Variants in GRM5 observed in about 807,000 individuals in gnomAD.
GRM5 encodes the protein metabotropic glutamate receptor 5.
In GRM5, 19 loss-of-function variants were observed where a neutral mutation model predicts 83.1. That is an observed-to-expected ratio of 0.23 (90% CI 0.16 to 0.34). GRM5 has a LOEUF of 0.34. Among genes scored for constraint, GRM5 ranks in the 10% least tolerant of loss-of-function variants. GRM5 has a pLI of 1.00. For synonymous variants in GRM5, 675 were observed against 633.6 expected (o/e 1.07, Z -0.98); for missense variants, 1,160 against 1,588.3 (o/e 0.73, Z 4.58).
intron 2 of GRM5, among the ~76,000 whole-genome samples, chr11:88,933,376 G>T (rs1388076056): frequency 6.6e-6 from 1 of 151,652 alleles, no homozygotes; most frequent in African/African-American, 2.4e-5. Context: ...GGTCTTTGCT[G>T]CATCAGCTGG....
At chr11:88,687,525 CAT>C (rs1554993932) in intron 3 of GRM5, among the ~76,000 whole-genome samples, 708 of 26,128 alleles carry the variant, frequency 0.027, 63 homozygotes, top group African/African-American at 0.051. Context: ...CACACACACA[CAT>C]ACATATATAT....
At chr11:88,645,141 T>G (rs1243587625) in intron 4 of GRM5, among the ~76,000 whole-genome samples, 1 of 152,116 alleles carries the variant, frequency 6.6e-6, no homozygotes, top group Non-Finnish European at 1.5e-5. Flanking sequence ...TCTGAACCCG[T>G]TCATTTAATC....
chr11:88,827,878 A>T (rs1363935118), intron 3 of GRM5, among the ~76,000 whole-genome samples: 2 of 152,240 alleles, frequency 1.3e-5, no homozygotes, highest in Non-Finnish European at 2.9e-5. Flanking sequence ...AATGTGCTAC[A>T]TGTTATAAGG....
intron 1 of GRM5, among the ~76,000 whole-genome samples, chr11:89,050,990 C>G (rs552941155): frequency 2.4e-4 from 37 of 152,130 alleles, no homozygotes; most frequent in African/African-American, 8.9e-4. Context: ...GAAAGATAAC[C>G]GGTGAATACT....
chr11:89,044,850 G>GAA (rs200457790), intron 2 of GRM5, among the ~76,000 whole-genome samples: 3 of 130,838 alleles, frequency 2.3e-5, no homozygotes, highest in South Asian at 5.0e-4. Context: ...AAGTGGGGAG[G>GAA]AAAAAAAAAA....
intron 2 of GRM5, among the ~76,000 whole-genome samples, chr11:88,954,692 T>C (rs1296615325): frequency 6.6e-6 from 1 of 152,222 alleles, no homozygotes; most frequent in Non-Finnish European, 1.5e-5. Flanking sequence ...AAACCACATG[T>C]GGCTAGTAGC....
chr11:88,736,452 C>T (rs1941916338), intron 3 of GRM5, among the ~76,000 whole-genome samples: 2 of 152,014 alleles, frequency 1.3e-5, no homozygotes, highest in African/African-American at 4.8e-5. Flanking sequence ...ATATCTTAGT[C>T]AACTCAAAAA....
rs1309568494 is a variant in GRM5 at position 88,988,960 on chromosome 11, C to G, written c.661+58252G>C. Among the ~76,000 whole-genome samples, 99 of 149,258 alleles carry G rather than the reference C, an allele frequency of 6.6e-4. 2 individuals carry two copies. The highest frequency in any genetic ancestry group is 4.0e-4 in the Admixed American group (6 of 14,962). On this transcript the variant is annotated intron_variant, in intron 2 of 9. Coordinates refer to ENST00000305447, the MANE Select transcript of GRM5 (RefSeq NM_001143831.3). Reference sequence around the variant, plus strand: ...GGAAGAAACTGCATCAACTAATGAGCAAAATAACCAGCTAACATCATAATG... The same window carrying G: ...GGAAGAAACTGCATCAACTAATGAGGAAAATAACCAGCTAACATCATAATG...
chr11:88,879,613 A>T (rs908340199), intron 2 of GRM5, among the ~76,000 whole-genome samples: 1 of 152,006 alleles, frequency 6.6e-6, no homozygotes, highest in Non-Finnish European at 1.5e-5. Context: ...TTATAATGTC[A>T]GCCATATGTT....
At chr11:88,842,415 G>C (rs927395688) in intron 3 of GRM5, among the ~76,000 whole-genome samples, 30 of 152,018 alleles carry the variant, frequency 2.0e-4, no homozygotes, top group Non-Finnish European at 4.4e-5. Flanking sequence ...ATATGTCATG[G>C]GTTCATTTAC....
At chr11:89,048,847 AT>A (rs1941697985) in intron 1 of GRM5, among the ~76,000 whole-genome samples, 1 of 152,160 alleles carries the variant, frequency 6.6e-6, no homozygotes, top group African/African-American at 2.4e-5. Context: ...CTGTTCTTAT[AT>A]TAAGAAGTAT....
chr11:88,738,132 T>A (rs1232108702), intron 3 of GRM5, among the ~76,000 whole-genome samples: 1 of 152,106 alleles, frequency 6.6e-6, no homozygotes, highest in Non-Finnish European at 1.5e-5. Flanking sequence ...GAAATGTTTC[T>A]GTATTTTATG....
chr11:88,569,377 A>C (rs1013874554), intron 7 of GRM5, among the ~76,000 whole-genome samples: 3 of 152,238 alleles, frequency 2.0e-5, no homozygotes, highest in Admixed American at 6.5e-5. Flanking sequence ...GACTAATTGC[A>C]TGTCAATATC....
chr11:88,967,266 TATATATATATAA>T (rs1565313018), intron 2 of GRM5, among the ~76,000 whole-genome samples: 1 of 88,196 alleles, frequency 1.1e-5, no homozygotes, highest in South Asian at 4.2e-4. Flanking sequence ...TATATATATA[TATATATATATAA>T]AATCTTCTGA....
chr11:88,991,766 G>A (rs1214150180), intron 2 of GRM5, among the ~76,000 whole-genome samples: 1 of 152,004 alleles, frequency 6.6e-6, no homozygotes, highest in Non-Finnish European at 1.5e-5. Context: ...ATGGGGAAAG[G>A]ATTCCCTATT....
intron 7 of GRM5, among the ~76,000 whole-genome samples, chr11:88,588,883 T>C (rs1200697181): frequency 6.6e-6 from 1 of 152,118 alleles, no homozygotes; most frequent in Admixed American, 6.6e-5. Flanking sequence ...AGGCAACAAG[T>C]GACACAGGAA....
chr11:88,814,473 A>G (rs901546232), intron 3 of GRM5, among the ~76,000 whole-genome samples: 2 of 152,176 alleles, frequency 1.3e-5, no homozygotes, highest in African/African-American at 2.4e-5. Flanking sequence ...AAGACCTGGA[A>G]TAGTGCCTGT....
At chr11:88,643,838 T>A (rs1158648235) in intron 4 of GRM5, among the ~76,000 whole-genome samples, 1 of 152,216 alleles carries the variant, frequency 6.6e-6, no homozygotes, top group Non-Finnish European at 1.5e-5. Flanking sequence ...AAGCCATTAA[T>A]GAACATTTCA....
At chr11:89,009,527 A>T (rs1420930096) in intron 2 of GRM5, among the ~76,000 whole-genome samples, 1 of 152,178 alleles carries the variant, frequency 6.6e-6, no homozygotes, top group Admixed American at 6.5e-5. Context: ...TAATATAATA[A>T]AGTATGTATG....
Sources: allele counts gnomAD v4.1 joint callset (sites outside exome capture counted in the v4.1 genomes callset), GRCh38; gene constraint gnomAD v4.1.1; transcripts MANE v1.5; gene names NCBI Gene and HGNC (gene_info 2026-07-23, HGNC 2026-07-21).